The following JADE1 variants were observed in gnomAD, a reference collection of about 807,000 sequenced individuals.
The protein encoded by JADE1 is protein Jade-1.
Under a neutral mutation model 81.8 loss-of-function variants are expected in JADE1, and 14 were observed. The ratio of observed to expected loss-of-function variants is 0.17; its 90% confidence interval spans 0.11 to 0.27. The LOEUF (loss-of-function observed/expected upper bound fraction) is 0.27, where lower values mean the gene tolerates loss of function less well. Ranked by LOEUF, JADE1 falls within the 10% of genes least tolerant of loss-of-function variation. The pLI, the probability that JADE1 is intolerant of heterozygous loss-of-function variation, is 1.00. For missense variants in JADE1, 690 were observed against 1,047.9 expected (o/e 0.66, Z 4.71); for synonymous variants, 353 against 391.9 (o/e 0.90, Z 1.17).
intron 1 of JADE1, among the ~76,000 whole-genome samples, chr4:128,814,567 C>CTTTTTTTTTTTTTTTT (rs376501164): frequency 7.4e-6 from 1 of 135,218 alleles, no homozygotes; most frequent in African/African-American, 2.7e-5. Context: ...AGGATTTTTT[C>CTTTTTTTTTTTTTTTT]TTTTTTTTTT....
At chr4:128,813,770 G>C (rs1415099521) in intron 1 of JADE1, among the ~76,000 whole-genome samples, 1 of 151,856 alleles carries the variant, frequency 6.6e-6, no homozygotes, top group East Asian at 1.9e-4. Flanking sequence ...GTATTTTGCT[G>C]TCTTCTTCAA....
chr4:128,825,560 T>C lies in JADE1; in HGVS notation c.-26-6173T>C, dbSNP rs986526137. Among the ~76,000 whole-genome samples, 6 of 152,202 alleles carry C rather than the reference T, an allele frequency of 3.9e-5. No individual in the cohort carries two copies. In the East Asian group the frequency reaches 1.2e-3, roughly 29 times the overall value. On this transcript the variant is annotated intron_variant, in intron 1 of 10. Transcript: ENST00000226319. ...CAGAGGAATGTAAATTTCAAGGTTTTCAGGTGCCTTGCTATCTCATGTGCA... is the reference window on the plus strand; with the variant it reads ...CAGAGGAATGTAAATTTCAAGGTTTCCAGGTGCCTTGCTATCTCATGTGCA...
Position 128,846,941 on chromosome 4 carries a change from C to T in JADE1, c.296+409C>T, listed in dbSNP as rs186587304. ...AGCATCTGGCTTTGTTGGGAACTAG[C>T]GCGGGCAGCTGCTCTGCCTACTGCG... On this transcript the variant is annotated intron_variant, in intron 4 of 10. Transcript: ENST00000226319. The surrounding 1 kb of genome is among the most constrained non-coding windows in gnomAD (Gnocchi z 4.0). Among the ~76,000 whole-genome samples, 20 of 152,300 alleles carry T rather than the reference C, an allele frequency of 1.3e-4. No individual in the cohort carries two copies. Among genetic ancestry groups the T allele is most frequent in the Non-Finnish European group, 2.5e-4 (17 of 68,022 alleles).
chr4:128,834,418 C>T (rs1475562867), intron 2 of JADE1, among the ~76,000 whole-genome samples: 1 of 152,094 alleles, frequency 6.6e-6, no homozygotes, highest in Non-Finnish European at 1.5e-5. Flanking sequence ...CCTTTCAAGG[C>T]CCTGTCTCCA....
intron 1 of JADE1, 119 bp downstream of exon 1, chr4:128,809,996 G>GGCGGCGGCTGCA (rs1553940235): frequency 6.2e-6 from 1 of 161,480 alleles, no homozygotes; most frequent in Non-Finnish European, 1.3e-5. Flanking sequence ...CGGCGGCGGC[G>GGCGGCGGCTGCA]GCGGCGGCTG....
At position 128,867,836 on chromosome 4, in the gene JADE1, C is replaced by T. The variant is rs1243629693; in HGVS notation, c.1504-20C>T. On this transcript the variant is annotated intron_variant, in intron 9 of 10. Transcript: ENST00000226319. ...TTATACTGTATTGCTTACTTAGAAT[C>T]TTTATTCTCTACATTCTAGGTTCGG... The T allele has an allele frequency of 5.3e-6, 8 of 1,502,486 alleles. No homozygotes were observed. In the East Asian group the frequency reaches 1.8e-4, roughly 34 times the overall value. 93.1% of individuals were successfully genotyped at this position (1,502,486 alleles called of 1,614,324 possible). A position where few individuals can be genotyped will look rare whatever the true frequency, so the allele number is the denominator to read the frequency against.
At chr4:128,815,115 T>G (rs1560719479) in intron 1 of JADE1, among the ~76,000 whole-genome samples, 1 of 40,144 alleles carries the variant, frequency 2.5e-5, no homozygotes, top group South Asian at 1.3e-3. Context: ...AGGGGTGCGA[T>G]CTCGGCTCCC....
Position 128,848,959 on chromosome 4 carries a change from C to T in JADE1, c.297-21C>T, listed in dbSNP as rs749986648. 19 of 1,611,070 alleles carry T rather than the reference C, an allele frequency of 1.2e-5. No homozygotes were observed. In the Admixed American group the frequency reaches 1.7e-4, roughly 14 times the overall value. On this transcript the variant is annotated intron_variant, in intron 4 of 10. Transcript: ENST00000226319. The stretch of plus-strand genomic sequence containing the variant: ...TGTGGCTGAAAGGGTAACCTGGCTG[C>T]CTTGTTTTTTTATTATCCAGGGTTG...
At chr4:128,835,202 C>T (rs1038257976) in intron 2 of JADE1, among the ~76,000 whole-genome samples, 1 of 152,148 alleles carries the variant, frequency 6.6e-6, no homozygotes, top group Non-Finnish European at 1.5e-5. Context: ...ATGATAGTTG[C>T]TAGTAGAAGG....
chr4:128,849,638 T>C (rs1730179032), intron 5 of JADE1, among the ~76,000 whole-genome samples: 1 of 152,238 alleles, frequency 6.6e-6, no homozygotes, highest in South Asian at 2.1e-4. Flanking sequence ...ATTTTCCTTA[T>C]GTCATGCTGC....
At chr4:128,827,523 G>C (rs1276755372) in intron 1 of JADE1, among the ~76,000 whole-genome samples, 1 of 152,170 alleles carries the variant, frequency 6.6e-6, no homozygotes, top group African/African-American at 2.4e-5. Context: ...CAAGCTCTGG[G>C]TTTTGGGGCT....
At chr4:128,821,011 T>C (rs536809152) in intron 1 of JADE1, among the ~76,000 whole-genome samples, 1 of 152,348 alleles carries the variant, frequency 6.6e-6, no homozygotes, top group South Asian at 2.1e-4. Flanking sequence ...TATTCTTACC[T>C]TCGTTCATTC....
At chr4:128,831,572 C>T in intron 1 of JADE1, 161 bp from the exon 2 acceptor site, 1 of 610,512 alleles carries the variant, frequency 1.6e-6, no homozygotes, top group South Asian at 2.0e-5. Context: ...ATGATTGCAC[C>T]TAATTATGTA....
At chr4:128,850,904 A>C (rs1008859439) in intron 5 of JADE1, among the ~76,000 whole-genome samples, 2 of 152,180 alleles carry the variant, frequency 1.3e-5, no homozygotes, top group Non-Finnish European at 2.9e-5. Context: ...GCATGCTTAA[A>C]TATGTTTGTC....
intron 2 of JADE1, among the ~76,000 whole-genome samples, chr4:128,837,018 A>C (rs975007883): frequency 6.6e-6 from 1 of 152,218 alleles, no homozygotes; most frequent in Non-Finnish European, 1.5e-5. Context: ...GAATGATAGA[A>C]GTGTGCTCAT....
At chr4:128,860,298 T>C (rs1439316340) in intron 8 of JADE1, among the ~76,000 whole-genome samples, 2 of 152,210 alleles carry the variant, frequency 1.3e-5, no homozygotes, top group Non-Finnish European at 2.9e-5. Context: ...TGTCAGTCTC[T>C]GTGGTTGAAG....
At chr4:128,811,364 C>A (rs1377484023) in intron 1 of JADE1, 2 of 152,028 alleles carry the variant, frequency 1.3e-5, no homozygotes, top group Non-Finnish European at 2.9e-5. Flanking sequence ...CTTCCGCGGG[C>A]GTTTAAATAG....
Position 128,872,270 on chromosome 4 carries a change from G to C in JADE1, c.*8G>C. On this transcript the variant is annotated 3_prime_UTR_variant, in exon 11 of 11. Coordinates refer to ENST00000226319, the MANE Select transcript of JADE1 (RefSeq NM_199320.4). ...AGCATCTTGGCTTCTTGATGCAACA[G>C]AGATGATGCGGAAGCCCTTTGGGCT... 1 of 1,610,540 alleles carries C rather than the reference G, an allele frequency of 6.2e-7. No homozygotes were observed. Among genetic ancestry groups the C allele is most frequent in the East Asian group, 2.2e-5 (1 of 44,808 alleles).
Position 128,861,888 on chromosome 4 carries a change from C to T in JADE1, c.1166C>T (p.Pro389Leu). The T allele has an allele frequency of 6.2e-7, 1 of 1,614,126 alleles. No individual in the cohort carries two copies. Among genetic ancestry groups the T allele is most frequent in the Non-Finnish European group, 8.5e-7 (1 of 1,179,974 alleles). ...GKGAAQENGAPECSPRNPLEP... is the reference protein window; with the variant it reads ...GKGAAQENGALECSPRNPLEP... ...GGGGCTGCACAGGAGAATGGGGCCC[C>T]TGAGTGTTCCCCCCGGAATCCGCTG... The change falls in exon 9 of 11, where the codon CCT becomes CTT. Residue 389 changes from proline (P) to leucine (L), a missense_variant. Coordinates refer to ENST00000226319, the MANE Select transcript of JADE1 (RefSeq NM_199320.4).
Sources: allele counts gnomAD v4.1 joint callset (sites outside exome capture counted in the v4.1 genomes callset), GRCh38; gene constraint gnomAD v4.1.1; non-coding constraint Gnocchi (gnomAD v3.1); transcripts MANE v1.5; gene names NCBI Gene and HGNC (gene_info 2026-07-23, HGNC 2026-07-21).